ADARB2: variants seen among roughly 807,000 people sequenced by gnomAD.
ADARB2 encodes the protein adenosine deaminase RNA specific B2 (inactive), also known as inactive double-stranded RNA-specific editase B2.
A neutral mutation model predicts 62.2 loss-of-function variants in ADARB2; 25 were observed. That is an observed-to-expected ratio of 0.40 (90% CI 0.29 to 0.56). ADARB2 has a LOEUF of 0.56. Among genes scored for constraint, ADARB2 ranks in the 20% least tolerant of loss-of-function variants. The probability of loss-of-function intolerance (pLI) is 0.43; values close to 1 mark genes in which losing one functional copy is unlikely to be tolerated. For missense variants in ADARB2, 1,071 were observed against 1,077.4 expected, an observed-to-expected ratio of 0.99 and a Z score of 0.08; for synonymous variants, 572 against 500.8, an observed-to-expected ratio of 1.14 and a Z score of -1.90.
Position 1,185,037 on chromosome 10 carries a change from C to CG in ADARB2, c.1866dup (p.Val623ArgfsTer3). The CG allele has an allele frequency of 6.2e-7, 1 of 1,610,714 alleles. No individual in the cohort carries two copies. Among genetic ancestry groups the CG allele is most frequent in the Non-Finnish European group, 8.5e-7 (1 of 1,178,498 alleles). ...GGCTGGCGCGCCTCGGCGTCACTCA[C>CG]GCCTGTCGGGGAGATGGGGAAAGGC... On this transcript the variant is annotated frameshift_variant and splice_region_variant, in exon 9 of 10. Transcript: ENST00000381312. LOFTEE classifies it high-confidence loss of function.
At chr10:1,270,375 CGTGAAAAA>C (rs1831249544) in intron 4 of ADARB2, among the ~76,000 whole-genome samples, 1 of 152,072 alleles carries the variant, frequency 6.6e-6, no homozygotes. Flanking sequence ...ATTACACACT[CGTGAAAAA>C]CTCTGGAAAT....
chr10:1,528,621 C>G (rs1182470787), intron 1 of ADARB2, among the ~76,000 whole-genome samples: 1 of 152,202 alleles, frequency 6.6e-6, no homozygotes, highest in Non-Finnish European at 1.5e-5. Flanking sequence ...CATGGTTTTC[C>G]CATCACCCAC....
At chr10:1,573,973 C>G (rs1040181986) in intron 1 of ADARB2, among the ~76,000 whole-genome samples, 5 of 152,230 alleles carry the variant, frequency 3.3e-5, no homozygotes, top group Non-Finnish European at 7.3e-5. Flanking sequence ...CTTTTGGGGC[C>G]TTTGTTTCTT....
chr10:1,356,860 T>C (rs988228531), intron 3 of ADARB2, among the ~76,000 whole-genome samples: 3 of 152,220 alleles, frequency 2.0e-5, no homozygotes, highest in African/African-American at 4.8e-5. Context: ...TATGGAATTA[T>C]TGAAAACCAT....
chr10:1,271,368 C>T (rs1408784131), intron 3 of ADARB2, among the ~76,000 whole-genome samples: 1 of 152,246 alleles, frequency 6.6e-6, no homozygotes, highest in Non-Finnish European at 1.5e-5. Flanking sequence ...CCTCTCCCTG[C>T]CTCTCAGAGC....
chr10:1,622,667 A>T (rs1312923381), intron 1 of ADARB2, among the ~76,000 whole-genome samples: 2 of 152,228 alleles, frequency 1.3e-5, no homozygotes, highest in African/African-American at 2.4e-5. Context: ...TTAAAAAGAC[A>T]GAAAATACCA....
intron 3 of ADARB2, among the ~76,000 whole-genome samples, chr10:1,348,050 G>C (rs1832097212): frequency 1.3e-5 from 2 of 151,904 alleles, no homozygotes; most frequent in African/African-American, 4.8e-5. Flanking sequence ...ACAGAAGAGG[G>C]AGACAGAGAC....
Position 1,682,320 on chromosome 10 carries a change from A to G in ADARB2, c.100+54731T>C, listed in dbSNP as rs151282700. Among the ~76,000 whole-genome samples the G allele has an allele frequency of 1.6e-3, 249 of 152,336 alleles. 1 individual carries two copies. The highest frequency in any genetic ancestry group is 3.4e-3 in the Middle Eastern group (1 of 294). ...CTGTGCCCCTCCCGGGTTTCCTCCC[A>G]TGCTTCTGCAGAGCCACTGAGGGTC... On this transcript the variant is annotated intron_variant, in intron 1 of 9. Transcript: ENST00000381312.
intron 1 of ADARB2, among the ~76,000 whole-genome samples, chr10:1,690,783 C>T (rs74829531): frequency 6.6e-6 from 1 of 152,210 alleles, no homozygotes; most frequent in Non-Finnish European, 1.5e-5. Context: ...CTGTCACCCC[C>T]TCCCCAGCCT....
At chr10:1,604,435 C>T (rs1157409813) in intron 1 of ADARB2, among the ~76,000 whole-genome samples, 7 of 152,140 alleles carry the variant, frequency 4.6e-5, no homozygotes, top group East Asian at 1.9e-4. Flanking sequence ...CAGGAAGATT[C>T]GACCCAGATC....
Position 1,616,083 on chromosome 10 carries a change from C to T in ADARB2, c.100+120968G>A, listed in dbSNP as rs76763827. On this transcript the variant is annotated intron_variant, in intron 1 of 9. Coordinates refer to ENST00000381312, the MANE Select transcript of ADARB2 (RefSeq NM_018702.4). ...GGGAGGCTGGAATTCTATATTTAGG[C>T]TTTGTGCCCTCCTTCAGAAGTGAGG... is the stretch of plus-strand genomic sequence containing the variant. Among the ~76,000 whole-genome samples the T allele has an allele frequency of 9.8e-3, 1,496 of 152,304 alleles. 10 individuals carry two copies. The highest frequency in any genetic ancestry group is 0.027 in the Middle Eastern group (8 of 294).
rs941105009 is a variant in ADARB2, at chr10:1,597,436, C to G, written c.100+139615G>C. 2.0e-5 allele frequency among the ~76,000 whole-genome samples: 3 copies of G among 152,104 alleles called. No individual in the cohort carries two copies. The East Asian group carries it at 5.8e-4, about 29-fold the overall frequency. On this transcript the variant is annotated intron_variant, in intron 1 of 9. Transcript: ENST00000381312. ...AAACAACTCAACAGAAAAAAAATAA[C>G]CTCATTAAAAAGTGGGCACAGGACA...
At chr10:1,540,338 T>C (rs1832400317) in intron 1 of ADARB2, among the ~76,000 whole-genome samples, 1 of 139,694 alleles carries the variant, frequency 7.2e-6, no homozygotes, top group Non-Finnish European at 1.6e-5. Flanking sequence ...CGAGGGCACG[T>C]CAGGCAACAG....
rs187565816 is a variant in ADARB2, at chr10:1,561,869, C to T, written c.100+175182G>A. Among the ~76,000 whole-genome samples the T allele has an allele frequency of 3.4e-3, 523 of 152,348 alleles. 4 individuals are homozygous for T. The highest frequency in any genetic ancestry group is 5.7e-3 in the Non-Finnish European group (385 of 68,032). Reference sequence around the variant, plus strand: ...GCCACTTCATGCTCACTCCACTTCCCCTCTCCCACTCTTGCCCATGCAACC... The same window carrying T: ...GCCACTTCATGCTCACTCCACTTCCTCTCTCCCACTCTTGCCCATGCAACC... On this transcript the variant is annotated intron_variant, in intron 1 of 9. Coordinates refer to ENST00000381312, the MANE Select transcript of ADARB2 (RefSeq NM_018702.4).
chr10:1,674,012 T>C (rs866258105), intron 1 of ADARB2, among the ~76,000 whole-genome samples: 1 of 152,192 alleles, frequency 6.6e-6, no homozygotes, highest in Non-Finnish European at 1.5e-5. Context: ...AACAACCAAA[T>C]AATGTGTTAA....
intron 1 of ADARB2, among the ~76,000 whole-genome samples, chr10:1,626,731 G>A (rs1218505220): frequency 6.6e-6 from 1 of 152,150 alleles, no homozygotes; most frequent in Non-Finnish European, 1.5e-5. Flanking sequence ...CCGGCTTGTC[G>A]CTCACCACCT....
At chr10:1,191,509 C>A (rs7915993) in intron 8 of ADARB2, among the ~76,000 whole-genome samples, 5 of 152,066 alleles carry the variant, frequency 3.3e-5, no homozygotes, top group Non-Finnish European at 5.9e-5. Context: ...TGCTCCCAAG[C>A]GGCCTTGGGA....
intron 1 of ADARB2, among the ~76,000 whole-genome samples, chr10:1,585,229 G>T (rs1213630033): frequency 6.6e-6 from 1 of 152,040 alleles, no homozygotes; most frequent in East Asian, 1.9e-4. Context: ...GGGGCATGGG[G>T]TAACTCTGTA....
At chr10:1,723,922 A>G (rs1835129831) in intron 1 of ADARB2, among the ~76,000 whole-genome samples, 1 of 152,172 alleles carries the variant, frequency 6.6e-6, no homozygotes, top group Admixed American at 6.5e-5. Context: ...TCTGGCCCTT[A>G]TTGAGGTAGA....
Sources: allele counts gnomAD v4.1 joint callset (sites outside exome capture counted in the v4.1 genomes callset), GRCh38; gene constraint gnomAD v4.1.1; transcripts MANE v1.5; gene names NCBI Gene and HGNC (gene_info 2026-07-23, HGNC 2026-07-21).